FAT4: variants seen among roughly 807,000 people sequenced by gnomAD.
FAT4 encodes protocadherin Fat 4.
In FAT4, 84 loss-of-function variants were observed where a neutral mutation model predicts 303.9. The ratio of observed to expected loss-of-function variants is 0.28; its 90% CI spans 0.23 to 0.33. The LOEUF (loss-of-function observed/expected upper bound fraction) is 0.33, where lower values mean the gene tolerates loss of function less well. FAT4 is among the 10% of genes least tolerant of loss of function. The probability of loss-of-function intolerance (pLI) is 1.00; values close to 1 mark genes in which losing one functional copy is unlikely to be tolerated. For missense variants in FAT4, 6,005 were observed against 6,146.8 expected (o/e 0.98, Z 0.77); for synonymous variants, 2,307 against 2,298.8 (o/e 1.00, Z -0.10).
intron 14 of FAT4, chr4:125,477,543 A>G: frequency 3.6e-6 from 1 of 278,848 alleles, no homozygotes; most frequent in Admixed American, 9.9e-5. Context: ...AGATTCTTAT[A>G]CATATATATA....
intron 2 of FAT4, among the ~76,000 whole-genome samples, chr4:125,373,742 C>G (rs759882331): frequency 3.7e-4 from 56 of 152,136 alleles, no homozygotes; most frequent in Non-Finnish European, 5.3e-4. Flanking sequence ...AACAGGGGCA[C>G]AGGGAGGCAA....
chr4:125,411,451 A>AATTATTATTGTATT (rs1238762243), intron 5 of FAT4, among the ~76,000 whole-genome samples: 2 of 151,876 alleles, frequency 1.3e-5, no homozygotes, highest in African/African-American at 4.8e-5. Flanking sequence ...CTAATAATAC[A>AATTATTATTGTATT]ATTGGAATTT....
In FAT4 at chr4:125,427,800, C is replaced by A. The variant is rs75338186; in HGVS notation, c.7019-6445C>A. Among the ~76,000 whole-genome samples, 37 of 152,196 alleles carry A rather than the reference C, an allele frequency of 2.4e-4. No homozygotes were observed. In the East Asian group the frequency reaches 7.2e-3, roughly 29 times the overall value. On this transcript the variant is annotated intron_variant, in intron 7 of 17. Coordinates refer to ENST00000394329, the MANE Select transcript of FAT4 (RefSeq NM_001291303.3). ...AGAAAATGGCTTTGTTGCAAAGCAA[C>A]AGAATTAAGTTAAGCAGAATTCTAT...
In FAT4 at chr4:125,474,280, A is replaced by C. The variant is rs527718184; in HGVS notation, c.12214-1891A>C. Reference sequence around the variant, plus strand: ...CATGTGGTACTTTCTAGTTTATGATACTTTTAGGGATCTCTACAAGGATAC... The same window carrying C: ...CATGTGGTACTTTCTAGTTTATGATCCTTTTAGGGATCTCTACAAGGATAC... On this transcript the variant is annotated intron_variant, in intron 12 of 17. Transcript: ENST00000394329. Among the ~76,000 whole-genome samples the C allele has an allele frequency of 3.2e-4, 49 of 152,134 alleles. 1 individual carries two copies. In the South Asian group the frequency reaches 9.5e-3, roughly 30 times the overall value.
intron 12 of FAT4, among the ~76,000 whole-genome samples, chr4:125,475,742 A>C (rs1273363073): frequency 6.6e-6 from 1 of 152,150 alleles, no homozygotes; most frequent in Non-Finnish European, 1.5e-5. Flanking sequence ...CTGAAATCAT[A>C]TTAGAATAAG....
In FAT4 at chr4:125,490,944, A is replaced by C; in HGVS notation, c.14128A>C (p.Lys4710Gln). 7.4e-6 allele frequency: 12 copies of C among 1,614,140 alleles called. No homozygotes were observed. The highest frequency in any genetic ancestry group is 9.3e-6 in the Non-Finnish European group (11 of 1,180,024). Residue 4710 changes from lysine to glutamine, a missense_variant, in exon 18 of 18, where the codon AAA becomes CAA. Coordinates refer to ENST00000394329, the MANE Select transcript of FAT4 (RefSeq NM_001291303.3). ...TCGACACAGTCCAGCCCCTTTCTCC[A>C]AATCTTCTACGTTCTATAGAAACAG... is the stretch of plus-strand genomic sequence containing the variant. ...LSRHSPAPFS[K>Q]SSTFYRNSPA...
intron 12 of FAT4, among the ~76,000 whole-genome samples, chr4:125,471,152 T>A (rs1285673013): frequency 1.3e-5 from 2 of 152,222 alleles, no homozygotes; most frequent in African/African-American, 4.8e-5. Flanking sequence ...AAGCTTGCCA[T>A]CGTATATGGC....
At chr4:125,458,181 C>T (rs967162143) in intron 10 of FAT4, among the ~76,000 whole-genome samples, 5 of 151,956 alleles carry the variant, frequency 3.3e-5, no homozygotes, top group East Asian at 1.9e-4. Context: ...GGTTTATTAC[C>T]TTATGGAGAA....
chr4:125,357,975 G>C (rs1732502992), intron 2 of FAT4, among the ~76,000 whole-genome samples: 1 of 152,100 alleles, frequency 6.6e-6, no homozygotes, highest in South Asian at 2.1e-4. Context: ...CTTGGTATTA[G>C]TTTCCTTTGT....
chr4:125,373,387 G>A (rs2663268), intron 2 of FAT4, among the ~76,000 whole-genome samples: 119,146 of 152,052 alleles, frequency 0.78, 47,111 homozygotes, highest in African/African-American at 0.9. Context: ...ATCTAAAGAG[G>A]TGATATCTAA....
At chr4:125,363,318 T>C (rs1732741765) in intron 2 of FAT4, among the ~76,000 whole-genome samples, 2 of 151,858 alleles carry the variant, frequency 1.3e-5, no homozygotes, top group African/African-American at 4.8e-5. Flanking sequence ...GAAGTGAATA[T>C]ATGTAGCCAC....
At chr4:125,324,691 C>A (rs1195991305) in intron 2 of FAT4, among the ~76,000 whole-genome samples, 1 of 152,096 alleles carries the variant, frequency 6.6e-6, no homozygotes, top group East Asian at 1.9e-4. Context: ...TTCAGGTAGT[C>A]ACCAGGCCAT....
At chr4:125,365,544 G>A (rs1488655752) in intron 2 of FAT4, among the ~76,000 whole-genome samples, 1 of 152,006 alleles carries the variant, frequency 6.6e-6, no homozygotes, top group African/African-American at 2.4e-5. Context: ...TTAGGTTCTT[G>A]TTATTTCTGA....
rs957328346 is a variant in FAT4, at chr4:125,315,710, C to G, written c.-280C>G. 2.6e-5 allele frequency among the ~76,000 whole-genome samples: 4 copies of G among 152,146 alleles called. No homozygotes were observed. Among genetic ancestry groups the G allele is most frequent in the African/African-American group, 9.6e-5 (4 of 41,452 alleles). On this transcript the variant is annotated 5_prime_UTR_variant, in exon 1 of 18. Coordinates refer to ENST00000394329, the MANE Select transcript of FAT4 (RefSeq NM_001291303.3). ...GGGCAGAGTTGAGCGCTCCCGGGTA[C>G]GGGAGCCAGAGCGCGAACGCTAGCG...
chr4:125,463,762 T>A, intron 11 of FAT4, 95 bp downstream of exon 11: 1 of 610,614 alleles, frequency 1.6e-6, no homozygotes. Context: ...GACCAAAAAA[T>A]TATTGTTTTA....
chr4:125,342,299 A>G (rs1386827642), intron 2 of FAT4, among the ~76,000 whole-genome samples: 4 of 152,062 alleles, frequency 2.6e-5, no homozygotes, highest in African/African-American at 4.8e-5. Context: ...CTTATCAATA[A>G]GAAGTAGTTT....
intron 12 of FAT4, among the ~76,000 whole-genome samples, chr4:125,471,949 C>T (rs1237427946): frequency 2.9e-5 from 4 of 136,930 alleles, no homozygotes; most frequent in Admixed American, 1.5e-4. Flanking sequence ...TAGCGGTGTG[C>T]GCCTGTAGTC....
intron 2 of FAT4, among the ~76,000 whole-genome samples, chr4:125,329,141 C>T (rs1183574923): frequency 1.3e-5 from 2 of 152,120 alleles, no homozygotes; most frequent in Non-Finnish European, 2.9e-5. Context: ...GAATATATTT[C>T]CATTCTTTCA....
chr4:125,385,884 G>T lies in FAT4; in HGVS notation c.5176-12900G>T, dbSNP rs190056680. On this transcript the variant is annotated intron_variant, in intron 2 of 17. Coordinates refer to ENST00000394329, the MANE Select transcript of FAT4 (RefSeq NM_001291303.3). ...ATACTCTTATTCCACTAAAAATGTT[G>T]GTACTTTGGTTTTGACAATGAAAAA... Among the ~76,000 whole-genome samples the T allele has an allele frequency of 1.2e-3, 181 of 152,026 alleles. 4 individuals carry two copies. Among genetic ancestry groups the T allele is most frequent in the African/African-American group, 4.2e-3 (176 of 41,482 alleles).
Sources: allele counts gnomAD v4.1 joint callset (sites outside exome capture counted in the v4.1 genomes callset), GRCh38; gene constraint gnomAD v4.1.1; transcripts MANE v1.5; gene names NCBI Gene and HGNC (gene_info 2026-07-23, HGNC 2026-07-21).